The following DAB2IP variants were observed in gnomAD, a reference collection of about 807,000 sequenced individuals.
The protein encoded by DAB2IP is DAB2 interacting protein.
A neutral mutation model predicts 107.2 loss-of-function variants in DAB2IP; 28 were observed. The observed-to-expected ratio is 0.26, with a 90% CI of 0.19 to 0.36. The LOEUF is 0.36. Among genes scored for constraint, DAB2IP ranks in the 10% least tolerant of loss-of-function variants. The pLI is 1.00. For synonymous variants in DAB2IP, 755 were observed against 706.4 expected, an observed-to-expected ratio of 1.07 and a Z score of -1.09; for missense variants, 1,400 against 1,644.7, an observed-to-expected ratio of 0.85 and a Z score of 2.57.
rs537598381 is a variant in DAB2IP at position 121,669,174 on chromosome 9, C to T, written c.125-9504C>T. 6.2e-4 allele frequency among the ~76,000 whole-genome samples: 94 copies of T among 152,094 alleles called. No homozygotes were observed. In the South Asian group the frequency reaches 0.018, roughly 28 times the overall value. ...CTCGAACTCCTGGCCTCAAGCAATC[C>T]GCCCACCTTGGCCTCCCAAAGTGCT... is the stretch of plus-strand genomic sequence containing the variant. On this transcript the variant is annotated intron_variant, in intron 1 of 15. Coordinates refer to ENST00000408936, the Ensembl canonical transcript of DAB2IP.
intron 1 of DAB2IP, among the ~76,000 whole-genome samples, chr9:121,623,721 T>A (rs1259109779): frequency 2.0e-5 from 3 of 151,808 alleles, no homozygotes; most frequent in Non-Finnish European, 4.4e-5. Context: ...GGAGTCTTGC[T>A]CTATTGCCCA....
chr9:121,723,608 C>T (rs1240591738), intron 3 of DAB2IP, among the ~76,000 whole-genome samples: 2 of 152,214 alleles, frequency 1.3e-5, no homozygotes, highest in Non-Finnish European at 2.9e-5. Flanking sequence ...ATGGGTCTTG[C>T]AGCACCTCCT....
chr9:121,589,852 G>A (rs1279161552), intron 1 of DAB2IP, among the ~76,000 whole-genome samples: 1 of 152,128 alleles, frequency 6.6e-6, no homozygotes, highest in East Asian at 1.9e-4. Flanking sequence ...AGCTCCCGAT[G>A]TAGGGTAGGC....
chr9:121,695,133 G>GAA (rs375863847), intron 2 of DAB2IP, among the ~76,000 whole-genome samples: 10 of 146,542 alleles, frequency 6.8e-5, no homozygotes, highest in African/African-American at 1.5e-4. Flanking sequence ...GTTGCTTTAG[G>GAA]AAAAAAAAAA....
intron 3 of DAB2IP, chr9:121,751,321 G>T (rs1049536496): frequency 1.3e-5 from 2 of 155,168 alleles, no homozygotes; most frequent in African/African-American, 4.8e-5. Context: ...ATGTGATCTT[G>T]GGCAGGTCAC....
At chr9:121,571,898 G>T (rs1228798374) in intron 1 of DAB2IP, among the ~76,000 whole-genome samples, 1 of 152,078 alleles carries the variant, frequency 6.6e-6, no homozygotes, top group Non-Finnish European at 1.5e-5. Flanking sequence ...AAGGTGAGGA[G>T]AAGGGGAGAG....
chr9:121,674,908 G>A (rs192828602), intron 1 of DAB2IP, among the ~76,000 whole-genome samples: 5 of 152,038 alleles, frequency 3.3e-5, no homozygotes, highest in Non-Finnish European at 5.9e-5. Flanking sequence ...GTGTGTGTGT[G>A]TATGTGTCAG....
intron 1 of DAB2IP, among the ~76,000 whole-genome samples, chr9:121,567,476 T>C (rs763833463): frequency 3.9e-5 from 6 of 152,176 alleles, no homozygotes; most frequent in South Asian, 2.1e-4. Context: ...AGAGAGTTTC[T>C]CAGCTGCTTC....
chr9:121,677,787 G>C (rs560374408), intron 1 of DAB2IP, among the ~76,000 whole-genome samples: 1 of 151,718 alleles, frequency 6.6e-6, no homozygotes, highest in South Asian at 2.1e-4. Context: ...TCAGCCTCCC[G>C]AGTAGCTAGG....
intron 3 of DAB2IP, among the ~76,000 whole-genome samples, chr9:121,703,670 G>T (rs1448444774): frequency 6.6e-6 from 1 of 152,206 alleles, no homozygotes; most frequent in African/African-American, 2.4e-5. Flanking sequence ...ACTGGGTCTT[G>T]CACATTTCTT....
chr9:121,693,365 C>T (rs1167190616), intron 2 of DAB2IP, among the ~76,000 whole-genome samples: 3 of 152,182 alleles, frequency 2.0e-5, no homozygotes, highest in South Asian at 2.1e-4. Context: ...GGTGTCAGGT[C>T]GGCCTGCCAG....
At chr9:121,775,781 AT>A (rs1188547988) in intron 13 of DAB2IP, among the ~76,000 whole-genome samples, 4 of 152,148 alleles carry the variant, frequency 2.6e-5, no homozygotes, top group Non-Finnish European at 5.9e-5. Context: ...TTCATGTGAC[AT>A]GGTCACCTTG....
At chr9:121,741,071 C>T (rs933840759) in intron 3 of DAB2IP, among the ~76,000 whole-genome samples, 1 of 152,144 alleles carries the variant, frequency 6.6e-6, no homozygotes, top group Non-Finnish European at 1.5e-5. Context: ...GATGTTCTGC[C>T]AGGGCTCCAA....
At chr9:121,623,445 C>A (rs1313538182) in intron 1 of DAB2IP, among the ~76,000 whole-genome samples, 2 of 152,136 alleles carry the variant, frequency 1.3e-5, no homozygotes, top group Non-Finnish European at 2.9e-5. Context: ...CTGCTCACTG[C>A]AGCCTTGACC....
intron 14 of DAB2IP, among the ~76,000 whole-genome samples, chr9:121,779,032 C>A (rs1316356297): frequency 6.6e-6 from 1 of 152,160 alleles, no homozygotes; most frequent in Non-Finnish European, 1.5e-5. Flanking sequence ...TAGGCTGACT[C>A]ATTTTGTCCC....
chr9:121,579,260 G>A (rs1424973022), intron 1 of DAB2IP, among the ~76,000 whole-genome samples: 1 of 152,096 alleles, frequency 6.6e-6, no homozygotes, highest in South Asian at 2.1e-4. Context: ...AGAGAATGAG[G>A]CCTCAGTTGA....
intron 1 of DAB2IP, among the ~76,000 whole-genome samples, chr9:121,628,997 G>A (rs1343818614): frequency 6.6e-6 from 1 of 152,222 alleles, no homozygotes; most frequent in African/African-American, 2.4e-5. Context: ...GGTGACAGGT[G>A]TGGTCACACC....
intron 8 of DAB2IP, among the ~76,000 whole-genome samples, chr9:121,764,272 G>C (rs989768383): frequency 1.3e-5 from 2 of 152,206 alleles, no homozygotes; most frequent in Non-Finnish European, 2.9e-5. Context: ...GCCTTGTGAT[G>C]GGGCCAAGCA....
chr9:121,631,037 G>C lies in DAB2IP; in HGVS notation c.41-47641G>C, dbSNP rs558912132. Among the ~76,000 whole-genome samples, 335 of 152,336 alleles carry C rather than the reference G, an allele frequency of 2.2e-3. 1 individual carries two copies. The highest frequency in any genetic ancestry group is 3.7e-3 in the Admixed American group (56 of 15,304). The stretch of plus-strand genomic sequence containing the variant: ...CCCAGGGAGGGGCCCTCACAGGCTG[G>C]GGGCTACCCCATGCTGACAGGGATG... On this transcript the variant is annotated intron_variant, in intron 1 of 16. Coordinates refer to the DAB2IP transcript ENST00000259371.
Sources: allele counts gnomAD v4.1 joint callset (sites outside exome capture counted in the v4.1 genomes callset), GRCh38; gene constraint gnomAD v4.1.1; transcripts MANE v1.5; gene names NCBI Gene and HGNC (gene_info 2026-07-23, HGNC 2026-07-21).